Variants in PLXNA4 observed in about 807,000 individuals in gnomAD.
The protein encoded by PLXNA4 is plexin-A4.
Under a neutral mutation model 191.8 loss-of-function variants are expected in PLXNA4, and 44 were observed. That is an observed-to-expected ratio of 0.23 (90% confidence interval 0.18 to 0.29). PLXNA4 has a LOEUF of 0.29. PLXNA4 is among the 10% of genes least tolerant of loss of function. The pLI, the probability that PLXNA4 is intolerant of heterozygous loss-of-function variation, is 1.00. For synonymous variants in PLXNA4, 1,082 were observed against 1,009.5 expected (o/e 1.07, Z -1.36); for missense variants, 1,800 against 2,488.8 (o/e 0.72, Z 5.89).
intron 3 of PLXNA4, among the ~76,000 whole-genome samples, chr7:132,421,559 TCTTTA>T (rs1794850641): frequency 6.7e-6 from 1 of 149,536 alleles, no homozygotes; most frequent in East Asian, 1.9e-4. Flanking sequence ...CTTAGCTGCT[TCTTTA>T]CTTTATTGCT....
intron 25 of PLXNA4, among the ~76,000 whole-genome samples, chr7:132,150,314 C>G (rs566767895): frequency 5.9e-5 from 9 of 152,292 alleles, no homozygotes; most frequent in African/African-American, 2.2e-4. Flanking sequence ...TGGAGGTATG[C>G]ATGCATGCAC....
At chr7:132,499,522 GC>G (rs2117598379) in intron 2 of PLXNA4, among the ~76,000 whole-genome samples, 1 of 152,292 alleles carries the variant, frequency 6.6e-6, no homozygotes, top group African/African-American at 2.4e-5. Flanking sequence ...TAAATCCCAT[GC>G]CACCAGTCCA....
At chr7:132,460,295 G>A (rs771072929) in intron 3 of PLXNA4, among the ~76,000 whole-genome samples, 43 of 151,724 alleles carry the variant, frequency 2.8e-4, no homozygotes, top group African/African-American at 1.0e-3. Flanking sequence ...GGAAGTCGAG[G>A]CTGCAGTGAG....
At chr7:132,248,039 C>G (rs1435696315) in intron 4 of PLXNA4, among the ~76,000 whole-genome samples, 1 of 152,194 alleles carries the variant, frequency 6.6e-6, no homozygotes, top group Non-Finnish European at 1.5e-5. Context: ...GTGTACTTCC[C>G]CACTTCTTGG....
At chr7:132,194,626 C>A (rs560944195) in intron 13 of PLXNA4, among the ~76,000 whole-genome samples, 1 of 152,108 alleles carries the variant, frequency 6.6e-6, no homozygotes, top group Non-Finnish European at 1.5e-5. Context: ...TTTCTGCTCC[C>A]GATGATTGGG....
intron 10 of PLXNA4, 143 bp from the exon 11 acceptor site, chr7:132,203,562 G>A (rs1797514839): frequency 1.4e-6 from 1 of 697,542 alleles, no homozygotes; most frequent in South Asian, 1.7e-5. Flanking sequence ...GTGTCTACCT[G>A]TGTGCATACA....
At chr7:132,606,900 G>A (rs1802936243) in intron 2 of PLXNA4, among the ~76,000 whole-genome samples, 1 of 152,128 alleles carries the variant, frequency 6.6e-6, no homozygotes, top group Non-Finnish European at 1.5e-5. Flanking sequence ...CTGATATCTG[G>A]AATTTAGCCA....
At chr7:132,175,198 A>G (rs1373308003) in intron 20 of PLXNA4, among the ~76,000 whole-genome samples, 1 of 152,114 alleles carries the variant, frequency 6.6e-6, no homozygotes, top group Non-Finnish European at 1.5e-5. Flanking sequence ...CTGTCCACAG[A>G]TCTGTGCTGC....
At chr7:132,170,624 C>T (rs898136793) in intron 21 of PLXNA4, among the ~76,000 whole-genome samples, 1 of 152,216 alleles carries the variant, frequency 6.6e-6, no homozygotes, top group Non-Finnish European at 1.5e-5. Context: ...TGGCAGGAGG[C>T]CGGGTTCAGT....
chr7:132,240,943 A>G lies in PLXNA4; in HGVS notation c.1604+123T>C. 5 of 618,594 alleles carry G rather than the reference A, an allele frequency of 8.1e-6. No individual in the cohort carries two copies. The South Asian group carries it at 1.6e-4, about 20-fold the overall frequency. 38.3% of individuals were successfully genotyped at this position (618,594 alleles called of 1,614,324 possible). ...CATTTGGAAAGGATGCAAGGAAGGA[A>G]GAGCAAGAATAGCTGAGGAGAAAAG... On this transcript the variant is annotated intron_variant, in intron 5 of 31. Coordinates refer to ENST00000321063, the MANE Select transcript of PLXNA4 (RefSeq NM_020911.2).
At chr7:132,428,329 C>T (rs1476819797) in intron 3 of PLXNA4, among the ~76,000 whole-genome samples, 2 of 152,214 alleles carry the variant, frequency 1.3e-5, no homozygotes, top group African/African-American at 4.8e-5. Context: ...CTATGCTCTC[C>T]CCATCTGGCT....
chr7:132,480,012 T>C (rs981927573), intron 3 of PLXNA4, among the ~76,000 whole-genome samples: 1 of 152,158 alleles, frequency 6.6e-6, no homozygotes, highest in African/African-American at 2.4e-5. Context: ...TGTACACTTC[T>C]GAAGTAGTCT....
chr7:132,460,746 A>G (rs78382271), intron 3 of PLXNA4, among the ~76,000 whole-genome samples: 231 of 152,262 alleles, frequency 1.5e-3, no homozygotes, highest in African/African-American at 5.2e-3. Context: ...CTAATCCCAC[A>G]CATCACCCAC....
chr7:132,385,251 TC>T, intron 3 of PLXNA4: 1 of 1,613,776 alleles, frequency 6.2e-7, no homozygotes, highest in Non-Finnish European at 8.5e-7. Flanking sequence ...GGGATCGGGG[TC>T]CCGTCTGTAG....
intron 2 of PLXNA4, among the ~76,000 whole-genome samples, chr7:132,610,196 A>G (rs1174789817): frequency 6.6e-6 from 1 of 152,220 alleles, no homozygotes; most frequent in Admixed American, 6.5e-5. Flanking sequence ...TCATGCAGAC[A>G]AAACCCTTAC....
chr7:132,240,986 G>C (rs555100803), intron 5 of PLXNA4, 80 bp downstream of exon 5: 1 of 939,064 alleles, frequency 1.1e-6, no homozygotes, highest in African/African-American at 1.6e-5. Context: ...AAAGGGAAGG[G>C]CAGTGATGAC....
intron 30 of PLXNA4, among the ~76,000 whole-genome samples, chr7:132,137,870 G>C (rs1380035415): frequency 6.6e-6 from 1 of 151,798 alleles, no homozygotes; most frequent in African/African-American, 2.4e-5. Context: ...TGAGTGAGAG[G>C]AGAGAAGGGA....
chr7:132,418,193 A>G (rs1055968432), intron 3 of PLXNA4, among the ~76,000 whole-genome samples: 1 of 152,136 alleles, frequency 6.6e-6, no homozygotes, highest in East Asian at 1.9e-4. Context: ...AAGAATGATT[A>G]CACCCCTTTT....
chr7:132,578,493 T>C (rs1802338590), upstream of PLXNA4, among the ~76,000 whole-genome samples: 2 of 152,218 alleles, frequency 1.3e-5, no homozygotes, highest in Non-Finnish European at 2.9e-5. Context: ...TGACTGATAA[T>C]GGCTTAAATG....
Sources: allele counts gnomAD v4.1 joint callset (sites outside exome capture counted in the v4.1 genomes callset), GRCh38; gene constraint gnomAD v4.1.1; transcripts MANE v1.5; gene names NCBI Gene and HGNC (gene_info 2026-07-23, HGNC 2026-07-21).